Variants in ARHGAP35 observed in about 807,000 individuals in gnomAD.
ARHGAP35 encodes rho GTPase-activating protein 35.
ARHGAP35 carries 15 observed loss-of-function variants against 111.1 expected under a neutral mutation model. The ratio of observed to expected loss-of-function variants is 0.13; its 90% CI spans 0.09 to 0.21. The LOEUF is 0.21. Ranked by LOEUF, ARHGAP35 falls within the 10% of genes least tolerant of loss-of-function variation. The probability of loss-of-function intolerance (pLI) is 1.00; values close to 1 mark genes in which losing one functional copy is unlikely to be tolerated. For synonymous variants in ARHGAP35, 643 were observed against 710.3 expected, an observed-to-expected ratio of 0.91 and a Z score of 1.51; for missense variants, 1,262 against 1,873.0, an observed-to-expected ratio of 0.67 and a Z score of 6.02.
At chr19:46,937,473 A>G in intron 3 of ARHGAP35, 65 bp downstream of exon 3, 1 of 1,557,142 alleles carries the variant, frequency 6.4e-7, no homozygotes, top group Non-Finnish European at 8.8e-7. Context: ...CTGGAGGGTC[A>G]AGCCATCTGG....
chr19:46,881,466 T>G (rs1391973725), intron 1 of ARHGAP35, among the ~76,000 whole-genome samples: 2 of 152,206 alleles, frequency 1.3e-5, no homozygotes, highest in African/African-American at 4.8e-5. Flanking sequence ...CTTGTACATC[T>G]CCATCAGAGC....
At chr19:46,984,008 A>G (rs867303327) in intron 3 of ARHGAP35, among the ~76,000 whole-genome samples, 1 of 152,302 alleles carries the variant, frequency 6.6e-6, no homozygotes, top group African/African-American at 2.4e-5. Flanking sequence ...GAACATAGTG[A>G]TCTTGGCTGT....
intron 1 of ARHGAP35, among the ~76,000 whole-genome samples, chr19:46,864,294 T>G (rs1248745011): frequency 6.6e-6 from 1 of 152,222 alleles, no homozygotes; most frequent in African/African-American, 2.4e-5. Flanking sequence ...AGGTGGTTTT[T>G]ACAGAAAATC....
chr19:46,977,926 G>T (rs1330777297), intron 3 of ARHGAP35, among the ~76,000 whole-genome samples: 1 of 152,234 alleles, frequency 6.6e-6, no homozygotes, highest in Admixed American at 6.5e-5. Context: ...TGCCGGCACT[G>T]CGTAAATGTA....
rs986577506 is a variant in ARHGAP35 at position 46,994,542 on chromosome 19, C to A, written c.4037-4762C>A. ...TTGGAGCGGGATAGCCCAGTCAGCA[C>A]CGTGCTCAGCAAGTAGCAGCCAGCC... On this transcript the variant is annotated intron_variant, in intron 5 of 6. Coordinates refer to ENST00000672722, the MANE Select transcript of ARHGAP35 (RefSeq NM_004491.5). This position sits in a 1 kb window ranked among gnomAD's most constrained non-coding sequence, Gnocchi z 5.4. Among the ~76,000 whole-genome samples the A allele has an allele frequency of 3.9e-5, 6 of 152,168 alleles. No homozygotes were observed. The highest frequency in any genetic ancestry group is 7.3e-5 in the Non-Finnish European group (5 of 68,034).
chr19:46,922,260 C>A lies in ARHGAP35; in HGVS notation c.3585C>A (p.Ser1195=). 6.2e-7 allele frequency: 1 copy of A among 1,613,882 alleles called. No individual in the cohort carries two copies. Among genetic ancestry groups the A allele is most frequent in the Non-Finnish European group, 8.5e-7 (1 of 1,179,870 alleles). The change falls in exon 2 of 7, where the codon TCC becomes TCA. Residue 1195 remains serine, a synonymous_variant. Coordinates refer to ENST00000672722, the MANE Select transcript of ARHGAP35 (RefSeq NM_004491.5). This position sits in a 1 kb window ranked among gnomAD's most constrained non-coding sequence, Gnocchi z 4.0. ...PIRKKEEDQA[S]QGYKGDNAVI... is the part of the protein sequence containing the mutation. ...GGAAGAAAGAGGAGGATCAGGCATCCCAGGGTTATAAAGGGGACAATGCTG... is the reference window on the plus strand; with the variant it reads ...GGAAGAAAGAGGAGGATCAGGCATCACAGGGTTATAAAGGGGACAATGCTG...
chr19:46,988,462 C>A lies in ARHGAP35; in HGVS notation c.3904+396C>A. On this transcript the variant is annotated intron_variant, in intron 4 of 6. Transcript: ENST00000672722. The surrounding 1 kb of genome is among the most constrained non-coding windows in gnomAD (Gnocchi z 5.4). ...TGTTTTGCCAGGGCCTCAGATCTAC[C>A]CTCCTCACAAAGTCCCAGCACCAGA... 1.9e-5 allele frequency: 4 copies of A among 205,132 alleles called. No homozygotes were observed. Among genetic ancestry groups the A allele is most frequent in the East Asian group, 1.4e-4 (1 of 6,956 alleles). 12.7% of individuals were successfully genotyped at this position (205,132 alleles called of 1,614,324 possible).
chr19:46,863,217 G>A (rs1289591489), intron 1 of ARHGAP35, among the ~76,000 whole-genome samples: 1 of 152,128 alleles, frequency 6.6e-6, no homozygotes, highest in Admixed American at 6.6e-5. Flanking sequence ...TGCTGCAGAG[G>A]CAAAGGGGCT....
rs1331985965 is a variant in ARHGAP35, at chr19:46,988,557, A to C, written c.3904+491A>C. On this transcript the variant is annotated intron_variant, in intron 4 of 6. Coordinates refer to ENST00000672722, the MANE Select transcript of ARHGAP35 (RefSeq NM_004491.5). The surrounding 1 kb of genome is among the most constrained non-coding windows in gnomAD (Gnocchi z 5.4). ...AGACCCAAGTTACATAGCTCTTGGC[A>C]GGGACTCCCTTCTCCTAAGCTGAGC... The C allele has an allele frequency of 6.3e-6, 1 of 158,594 alleles. No individual in the cohort carries two copies. Among genetic ancestry groups the C allele is most frequent in the East Asian group, 1.9e-4 (1 of 5,364 alleles). The allele number at this position is 158,594 out of a possible 1,614,324, so 9.8% of individuals were successfully genotyped here. A position where few individuals can be genotyped will look rare whatever the true frequency, so the allele number is the denominator to read the frequency against.
intron 1 of ARHGAP35, among the ~76,000 whole-genome samples, 48 bp downstream of exon 1, chr19:46,861,257 C>T (rs979839655): frequency 6.6e-6 from 1 of 151,284 alleles, no homozygotes; most frequent in African/African-American, 2.4e-5. Context: ...CGGGCGCCGC[C>T]CCGCTGCGGG....
At chr19:46,877,018 G>A (rs1023780326) in intron 1 of ARHGAP35, among the ~76,000 whole-genome samples, 30 of 151,900 alleles carry the variant, frequency 2.0e-4, no homozygotes, top group Non-Finnish European at 1.2e-4. Flanking sequence ...GGGAGGCCGA[G>A]GCGGGTGGAT....
Position 46,876,781 on chromosome 19 carries a change from G to A in ARHGAP35, c.-189+15572G>A, listed in dbSNP as rs894925401. 3.3e-5 allele frequency among the ~76,000 whole-genome samples: 5 copies of A among 152,168 alleles called. No homozygotes were observed. The East Asian group carries it at 5.8e-4, about 18-fold the overall frequency. The stretch of plus-strand genomic sequence containing the variant: ...GCCTCCCAAAGTGCTGGGATTACAG[G>A]TGTGAGCACGTGGCTGGACTTGGCT... On this transcript the variant is annotated intron_variant, in intron 1 of 6. Transcript: ENST00000672722.
At chr19:46,978,142 T>G (rs138869595) in intron 3 of ARHGAP35, among the ~76,000 whole-genome samples, 1 of 152,234 alleles carries the variant, frequency 6.6e-6, no homozygotes, top group Non-Finnish European at 1.5e-5. Flanking sequence ...CGAGGCCACA[T>G]GTTGAGAAGT....
chr19:46,875,638 C>G (rs2055914729), intron 1 of ARHGAP35, among the ~76,000 whole-genome samples: 1 of 152,010 alleles, frequency 6.6e-6, no homozygotes, highest in Non-Finnish European at 1.5e-5. Flanking sequence ...TTTTGCTTGC[C>G]ACAGTCTTTT....
At chr19:46,997,946 C>T (rs1242502523) in intron 5 of ARHGAP35, among the ~76,000 whole-genome samples, 10 of 151,740 alleles carry the variant, frequency 6.6e-5, no homozygotes, top group African/African-American at 9.7e-5. Context: ...ACTAAAAATA[C>T]GAAAAAATTA....
Position 46,922,659 on chromosome 19 carries a change from A to G in ARHGAP35, c.3681+303A>G, listed in dbSNP as rs1240670043. On this transcript the variant is annotated intron_variant, in intron 2 of 6. Transcript: ENST00000672722. This position sits in a 1 kb window ranked among gnomAD's most constrained non-coding sequence, Gnocchi z 4.0. The stretch of plus-strand genomic sequence containing the variant: ...TTGACAAGTGGCCAAGCGCAGTGAC[A>G]ATACACTTGCTCTCCCTTCACTGAA... Among the ~76,000 whole-genome samples, 1 of 152,208 alleles carries G rather than the reference A, an allele frequency of 6.6e-6. No individual in the cohort carries two copies. Among genetic ancestry groups the G allele is most frequent in the Non-Finnish European group, 1.5e-5 (1 of 68,038 alleles).
rs2056320467 is a variant in ARHGAP35, at chr19:46,938,020, AC to A, written c.3826+613del. Among the ~76,000 whole-genome samples, 3 of 152,188 alleles carry A rather than the reference AC, an allele frequency of 2.0e-5. No homozygotes were observed. In the South Asian group the frequency reaches 6.2e-4, roughly 32 times the overall value. Reference sequence around the variant, plus strand: ...ATTGTTCTTGAAATAATTAAGTTTTACTTGTGTTGAAACCATTTGCTTTATT... The same window carrying A: ...ATTGTTCTTGAAATAATTAAGTTTTATTGTGTTGAAACCATTTGCTTTATT... On this transcript the variant is annotated intron_variant, in intron 3 of 6. Coordinates refer to ENST00000672722, the MANE Select transcript of ARHGAP35 (RefSeq NM_004491.5).
At chr19:46,907,474 CTTTT>C in intron 1 of ARHGAP35, among the ~76,000 whole-genome samples, 1 of 113,508 alleles carries the variant, frequency 8.8e-6, no homozygotes, top group South Asian at 2.6e-4. Flanking sequence ...TTCTTAGCTT[CTTTT>C]TTTGTTTGTT....
intron 3 of ARHGAP35, among the ~76,000 whole-genome samples, chr19:46,973,376 A>G (rs576657687): frequency 1.5e-4 from 22 of 150,132 alleles, no homozygotes; most frequent in Middle Eastern, 3.6e-3. Context: ...AAATAAATAC[A>G]TAAATAAATT....
Sources: gnomAD v4.1 joint callset for allele counts (sites outside exome capture counted in the v4.1 genomes callset) on GRCh38, gnomAD v4.1.1 for gene constraint, Gnocchi (gnomAD v3.1) non-coding constraint, MANE v1.5 for transcripts, NCBI Gene and HGNC (gene_info 2026-07-23, HGNC 2026-07-21) for gene names.